UBE2Z: variants seen among roughly 807,000 people sequenced by gnomAD.
UBE2Z encodes ubiquitin conjugating enzyme E2 Z.
In UBE2Z, 10 loss-of-function variants were observed where a neutral mutation model predicts 32.6. That is an observed-to-expected ratio of 0.31 (90% confidence interval 0.19 to 0.52). The LOEUF (loss-of-function observed/expected upper bound fraction) is 0.52. Ranked by LOEUF, UBE2Z falls within the 20% of genes least tolerant of loss-of-function variation. The pLI is 0.97. For missense variants in UBE2Z, 343 were observed against 480.9 expected (o/e 0.71, Z 2.68); for synonymous variants, 183 against 190.8 (o/e 0.96, Z 0.34).
intron 5 of UBE2Z, among the ~76,000 whole-genome samples, chr17:48,922,193 C>T (rs572202153): frequency 3.3e-4 from 50 of 152,034 alleles, no homozygotes; most frequent in African/African-American, 1.2e-3. Flanking sequence ...TCAAGACCAG[C>T]CTGACCAACA....
chr17:48,911,726 C>T (rs2040679334), intron 2 of UBE2Z: 1 of 151,872 alleles, frequency 6.6e-6, no homozygotes, highest in African/African-American at 2.4e-5. Context: ...AGTCAAGTAC[C>T]AGTGTTAATA....
At chr17:48,910,684 G>A (rs2040670129) in intron 1 of UBE2Z, 124 bp from the exon 2 acceptor site, 4 of 761,474 alleles carry the variant, frequency 5.3e-6, no homozygotes, top group South Asian at 4.5e-5. Context: ...AAACACTTGC[G>A]GTACCAAGCA....
At chr17:48,919,326 G>C (rs1346086268) in intron 4 of UBE2Z, among the ~76,000 whole-genome samples, 1 of 152,106 alleles carries the variant, frequency 6.6e-6, no homozygotes, top group Admixed American at 6.6e-5. Flanking sequence ...AATTGACTGG[G>C]GTTGGTGGTA....
chr17:48,913,701 C>T (rs2143761292), intron 3 of UBE2Z, among the ~76,000 whole-genome samples: 1 of 152,198 alleles, frequency 6.6e-6, no homozygotes, highest in South Asian at 2.1e-4. Flanking sequence ...GTGCATACTG[C>T]AGTTTCAGAA....
chr17:48,926,885 A>G, intron 6 of UBE2Z, 79 bp from the exon 7 acceptor site: 1 of 1,465,866 alleles, frequency 6.8e-7, no homozygotes, highest in Non-Finnish European at 9.2e-7. Flanking sequence ...CTTTCATTTC[A>G]CATGGGCCCG....
rs2040757299 is a variant in UBE2Z at position 48,921,355 on chromosome 17, A to G, written c.803+83A>G. 8 of 1,036,340 alleles carry G rather than the reference A, an allele frequency of 7.7e-6. No homozygotes were observed. In the Admixed American group the frequency reaches 1.1e-4, roughly 14 times the overall value. 64.2% of individuals were successfully genotyped at this position (1,036,340 alleles called of 1,614,324 possible). On this transcript the variant is annotated intron_variant, in intron 5 of 6. Transcript: ENST00000360943. Reference sequence around the variant, plus strand: ...TTTGGGGCAGAGTACAGTGTTGGGTACCAGAGGGAGATAGAGAAGAAGGAA... The same window carrying G: ...TTTGGGGCAGAGTACAGTGTTGGGTGCCAGAGGGAGATAGAGAAGAAGGAA...
At chr17:48,911,156 C>G (rs1467507634) in intron 2 of UBE2Z, 3 of 436,804 alleles carry the variant, frequency 6.9e-6, no homozygotes, top group Non-Finnish European at 1.3e-5. Flanking sequence ...GGCATTCTTT[C>G]ACTCTCAAAA....
In UBE2Z at chr17:48,910,793, C is replaced by T. The variant is rs1275537040; in HGVS notation, c.318-15C>T. Reference sequence around the variant, plus strand: ...TTCCTCACTCCTTCCCCCACCTCCTCTTGGTGTTATACAGGGATATCATGT... The same window carrying T: ...TTCCTCACTCCTTCCCCCACCTCCTTTTGGTGTTATACAGGGATATCATGT... On this transcript the variant is annotated splice_polypyrimidine_tract_variant and intron_variant, in intron 1 of 6. Transcript: ENST00000360943. The T allele has an allele frequency of 6.2e-7, 1 of 1,603,826 alleles. No homozygotes were observed.
chr17:48,916,029 C>T, intron 3 of UBE2Z, 47 bp from the exon 4 acceptor site: 9 of 1,381,146 alleles, frequency 6.5e-6, no homozygotes, highest in Non-Finnish European at 8.9e-6. Flanking sequence ...TACTTGTTCC[C>T]TATTCTTTCT....
intron 6 of UBE2Z, among the ~76,000 whole-genome samples, chr17:48,923,641 C>G (rs1370601437): frequency 1.1e-5 from 1 of 92,390 alleles, no homozygotes; most frequent in African/African-American, 2.8e-5. Flanking sequence ...AAGCTAAAAG[C>G]AACCTATATC....
chr17:48,908,649 C>T lies in UBE2Z; in HGVS notation c.146C>T (p.Ala49Val), dbSNP rs2040647606. Reference protein sequence around the residue: ...PPFLPDVWAAAAAAGGAGGPG... With the variant: ...PPFLPDVWAAVAAAGGAGGPG... ...TTCCTGCCGGATGTGTGGGCGGCGG[C>T]GGCGGCAGCGGGCGGGGCCGGGGGC... Residue 49 changes from alanine (A) to valine (V), a missense_variant, in exon 1 of 7, where the codon GCG (alanine) becomes GTG (valine). Coordinates refer to ENST00000360943, the MANE Select transcript of UBE2Z (RefSeq NM_023079.5). The T allele has an allele frequency of 1.5e-5, 18 of 1,222,778 alleles. No homozygotes were observed. Among genetic ancestry groups the T allele is most frequent in the African/African-American group, 3.2e-5 (2 of 63,168 alleles). The allele number at this position is 1,222,778 out of a possible 1,614,324, so 75.7% of individuals were successfully genotyped here.
At chr17:48,926,447 T>C (rs576387811) in intron 6 of UBE2Z, among the ~76,000 whole-genome samples, 8 of 151,468 alleles carry the variant, frequency 5.3e-5, no homozygotes, top group Non-Finnish European at 8.8e-5. Context: ...TAGCCCAAGC[T>C]ACACCTATTT....
chr17:48,908,785 G>C lies in UBE2Z; in HGVS notation c.282G>C (p.Glu94Asp). ...DPTLSSDWDG[E>D]RTAPQCLLRI... ...CGCTCAGCTCCGACTGGGACGGCGA[G>C]CGCACCGCGCCGCAGTGTCTACTCC... Residue 94 changes from glutamate to aspartate, a missense_variant, in exon 1 of 7, where the codon GAG (glutamate) becomes GAC (aspartate). Transcript: ENST00000360943. 1 of 1,508,220 alleles carries C rather than the reference G, an allele frequency of 6.6e-7. No homozygotes were observed. Among genetic ancestry groups the C allele is most frequent in the Non-Finnish European group, 8.8e-7 (1 of 1,133,482 alleles). The allele number at this position is 1,508,220 out of a possible 1,614,324, so 93.4% of individuals were successfully genotyped here.
chr17:48,910,711 T>C (rs2040670419), intron 1 of UBE2Z, 97 bp from the exon 2 acceptor site: 4 of 911,556 alleles, frequency 4.4e-6, no homozygotes, highest in Non-Finnish European at 7.3e-6. Flanking sequence ...TCTCAAACCC[T>C]GGCCTCATTG....
At chr17:48,911,505 G>A (rs2143758101) in intron 2 of UBE2Z, 1 of 152,412 alleles carries the variant, frequency 6.6e-6, no homozygotes, top group Middle Eastern at 3.4e-3. Context: ...CAGAAGTGCA[G>A]TTGCACTTAA....
intron 1 of UBE2Z, chr17:48,910,410 A>G (rs1358110760): frequency 5.2e-6 from 1 of 191,024 alleles, no homozygotes; most frequent in Non-Finnish European, 1.1e-5. Context: ...ATGCCTTTCC[A>G]GTTACTAAAA....
rs1019954535 is a variant in UBE2Z, at chr17:48,929,001, GTTTT to G, written c.*1871_*1874del. On this transcript the variant is annotated 3_prime_UTR_variant, in exon 7 of 7. Coordinates refer to ENST00000360943, the MANE Select transcript of UBE2Z (RefSeq NM_023079.5). ...TTATATCTGACTGTATATAAATGAA[GTTTT>G]TTTGTTTTTTTTGTTTTCCTTTTTG... The G allele has an allele frequency of 4.0e-5, 6 of 149,066 alleles. No homozygotes were observed. The highest frequency in any genetic ancestry group is 2.7e-4 in the Admixed American group (4 of 15,048). The allele number at this position is 149,066 out of a possible 1,614,324, so 9.2% of individuals were successfully genotyped here.
chr17:48,916,379 A>G (rs535224726), intron 4 of UBE2Z, among the ~76,000 whole-genome samples, 192 bp downstream of exon 4: 1 of 150,308 alleles, frequency 6.7e-6, no homozygotes, highest in Non-Finnish European at 1.5e-5. Flanking sequence ...CAGCCTCCCA[A>G]GTAGCTGGGA....
At chr17:48,912,322 C>T (rs1170270435) in intron 2 of UBE2Z, 1 of 154,190 alleles carries the variant, frequency 6.5e-6, no homozygotes, top group African/African-American at 2.4e-5. Flanking sequence ...CCCTTCGTGC[C>T]ACATAAATGT....
Sources: gnomAD v4.1 joint callset for allele counts (sites outside exome capture counted in the v4.1 genomes callset) on GRCh38, gnomAD v4.1.1 for gene constraint, MANE v1.5 for transcripts, NCBI Gene and HGNC (gene_info 2026-07-23, HGNC 2026-07-21) for gene names.